UBXN2A: variants seen among roughly 807,000 people sequenced by gnomAD.
The protein encoded by UBXN2A is UBX domain protein 2A, also known as UBX domain-containing protein 2A.
A neutral mutation model predicts 28.4 loss-of-function variants in UBXN2A; 28 were observed. That is an observed-to-expected ratio of 0.99 (90% CI 0.73 to 1.35). The LOEUF is 1.35. Among genes scored for constraint, UBXN2A ranks in the 40% most tolerant of loss-of-function variants. UBXN2A has a pLI of 0.00. For synonymous variants in UBXN2A, 97 were observed against 103.6 expected, an observed-to-expected ratio of 0.94 and a Z score of 0.39; for missense variants, 253 against 297.9, an observed-to-expected ratio of 0.85 and a Z score of 1.11.
intron 6 of UBXN2A, among the ~76,000 whole-genome samples, chr2:23,986,288 C>T (rs192002728): frequency 6.3e-4 from 95 of 151,616 alleles, no homozygotes; most frequent in Non-Finnish European, 1.2e-3. Flanking sequence ...CCAGCCTGAG[C>T]GATTGAGCAA....
At chr2:23,973,963 G>A (rs945379213) in intron 3 of UBXN2A, among the ~76,000 whole-genome samples, 10 of 150,296 alleles carry the variant, frequency 6.7e-5, no homozygotes, top group African/African-American at 9.8e-5. Context: ...AATGAATGAA[G>A]TGAGCCTGGC....
rs1203967709 is a variant in UBXN2A, at chr2:23,940,520, G to C, written c.-143G>C. ...GGCGGGATCTCAGCGGCGCGGCCGC[G>C]GAACCTGAGGCGGTCTGGGGCGGCG... is the stretch of plus-strand genomic sequence containing the variant. On this transcript the variant is annotated 5_prime_UTR_variant, in exon 1 of 7. Coordinates refer to ENST00000309033, the MANE Select transcript of UBXN2A (RefSeq NM_181713.4). 3 of 151,398 alleles carry C rather than the reference G, an allele frequency of 2.0e-5. No homozygotes were observed. The allele number at this position is 151,398 out of a possible 1,614,324, so 9.4% of individuals were successfully genotyped here.
chr2:23,949,497 A>G (rs968703067), intron 1 of UBXN2A, among the ~76,000 whole-genome samples: 7 of 151,766 alleles, frequency 4.6e-5, no homozygotes, highest in Non-Finnish European at 8.8e-5. Flanking sequence ...ACTTGAACCC[A>G]GGAGGTAGAG....
chr2:23,978,136 T>C (rs1474044553), intron 4 of UBXN2A, among the ~76,000 whole-genome samples: 1 of 152,034 alleles, frequency 6.6e-6, no homozygotes, highest in Non-Finnish European at 1.5e-5. Flanking sequence ...CCAACAAATA[T>C]AATTTTGAAG....
At chr2:23,983,906 C>A (rs1009470177) in intron 5 of UBXN2A, among the ~76,000 whole-genome samples, 15 of 152,146 alleles carry the variant, frequency 9.9e-5, no homozygotes, top group African/African-American at 2.9e-4. Context: ...GAACTCCTGA[C>A]CGCAGGTGAT....
chr2:23,945,329 A>G (rs778745448), intron 1 of UBXN2A, among the ~76,000 whole-genome samples: 1 of 152,192 alleles, frequency 6.6e-6, no homozygotes, highest in Non-Finnish European at 1.5e-5. Flanking sequence ...ACAAAAATAT[A>G]TTTTCTTCAT....
At chr2:23,950,879 G>A (rs570753731) in intron 1 of UBXN2A, among the ~76,000 whole-genome samples, 3 of 149,682 alleles carry the variant, frequency 2.0e-5, no homozygotes, top group East Asian at 4.0e-4. Context: ...GTGGTTCGCC[G>A]TGTTGGCCAG....
chr2:23,962,659 G>A (rs1348709532), intron 2 of UBXN2A, among the ~76,000 whole-genome samples: 1 of 143,708 alleles, frequency 7.0e-6, no homozygotes, highest in Non-Finnish European at 1.5e-5. Flanking sequence ...AGGCTGGAGT[G>A]CAATGATGCA....
At chr2:23,966,694 G>A (rs190998218) in intron 2 of UBXN2A, among the ~76,000 whole-genome samples, 19 of 146,104 alleles carry the variant, frequency 1.3e-4, no homozygotes, top group South Asian at 4.3e-4. Flanking sequence ...CTTGTGATCC[G>A]CCCACCTTGG....
At chr2:23,961,339 G>A (rs1171428546) in intron 2 of UBXN2A, among the ~76,000 whole-genome samples, 5 of 151,582 alleles carry the variant, frequency 3.3e-5, no homozygotes, top group South Asian at 2.1e-4. Context: ...CAGGTGATCC[G>A]CCCACCTCGG....
At chr2:23,957,928 A>G (rs1706712431) in intron 1 of UBXN2A, among the ~76,000 whole-genome samples, 1 of 152,136 alleles carries the variant, frequency 6.6e-6, no homozygotes, top group African/African-American at 2.4e-5. Flanking sequence ...GCGCCTAGCC[A>G]TTTTTTGTAG....
At position 23,971,390 on chromosome 2, in the gene UBXN2A, G is replaced by A; in HGVS notation, c.156G>A (p.Val52=). ...EEAQKVSSKC[V]SPAEQKKQVD... ...CTCAGAAGGTTAGTTCCAAATGTGT[G>A]TCTCCCGCTGAACAGAAGAAACAGG... Residue 52 remains valine (V), a synonymous_variant, in exon 3 of 7, where the codon GTG becomes GTA. Transcript: ENST00000309033. The A allele has an allele frequency of 6.4e-7, 1 of 1,558,624 alleles. No homozygotes were observed. The highest frequency in any genetic ancestry group is 8.8e-7 in the Non-Finnish European group (1 of 1,142,208).
chr2:23,985,068 CT>C (rs565746054), intron 6 of UBXN2A, among the ~76,000 whole-genome samples: 27 of 148,050 alleles, frequency 1.8e-4, no homozygotes, highest in South Asian at 6.5e-4. Flanking sequence ...GCCCAGCTAA[CT>C]TTTTTTTTTT....
chr2:23,978,513 G>A (rs912202643), intron 4 of UBXN2A, among the ~76,000 whole-genome samples: 6 of 151,986 alleles, frequency 3.9e-5, no homozygotes, highest in South Asian at 2.1e-4. Flanking sequence ...GTGTGGTGGC[G>A]GGCACCTGTA....
rs780605417 is a variant in UBXN2A, at chr2:23,999,829, C to CA, written c.748dup (p.Thr250AsnfsTer5). On this transcript the variant is annotated frameshift_variant, in exon 7 of 7. Transcript: ENST00000309033. LOFTEE classifies it high-confidence loss of function. ...GAATGCTGTCATCATTCAGAGACTC[C>CA]AAAAAACTGCATCTTTTAGAGAACT... 1.2e-6 allele frequency: 2 copies of CA among 1,611,128 alleles called. No homozygotes were observed. Among genetic ancestry groups the CA allele is most frequent in the Non-Finnish European group, 1.7e-6 (2 of 1,179,346 alleles).
chr2:23,982,445 G>A (rs1707951900), intron 4 of UBXN2A, among the ~76,000 whole-genome samples: 1 of 152,018 alleles, frequency 6.6e-6, no homozygotes, highest in East Asian at 1.9e-4. Context: ...CAAGCCTGGT[G>A]TAGTATATAG....
At chr2:23,986,313 AAAT>A (rs762807980) in intron 6 of UBXN2A, among the ~76,000 whole-genome samples, 10 of 151,704 alleles carry the variant, frequency 6.6e-5, no homozygotes, top group Non-Finnish European at 1.0e-4. Flanking sequence ...CCATCTCAAA[AAAT>A]AATAATAATA....
At chr2:23,978,729 G>T (rs112866529) in intron 4 of UBXN2A, among the ~76,000 whole-genome samples, 28,514 of 151,762 alleles carry the variant, frequency 0.19, 2,794 homozygotes, top group Middle Eastern at 0.26. Flanking sequence ...TTTGGGAGGC[G>T]GAGGCGGGTG....
intron 1 of UBXN2A, chr2:23,927,731 G>C (rs1705123924): frequency 1.3e-5 from 2 of 151,722 alleles, no homozygotes; most frequent in Admixed American, 6.6e-5. Context: ...CGGAGCCAAA[G>C]AATGAGTACC....
Sources: allele counts gnomAD v4.1 joint callset (sites outside exome capture counted in the v4.1 genomes callset), GRCh38; gene constraint gnomAD v4.1.1; transcripts MANE v1.5; gene names NCBI Gene and HGNC (gene_info 2026-07-23, HGNC 2026-07-21).